Variants in RIOK1 observed in about 807,000 individuals in gnomAD.
RIOK1 encodes the protein RIO kinase 1, also known as serine/threonine-protein kinase RIO1.
A neutral mutation model predicts 73.5 loss-of-function variants in RIOK1; 66 were observed. The observed-to-expected ratio is 0.90, with a 90% CI of 0.74 to 1.10. The LOEUF is 1.10. RIOK1 is among the 50% of genes least tolerant of loss of function. RIOK1 has a pLI of 0.00. For missense variants in RIOK1, 658 were observed against 699.8 expected (o/e 0.94, Z 0.67); for synonymous variants, 224 against 226.8 (o/e 0.99, Z 0.11).
At chr6:7,402,978 G>A in intron 8 of RIOK1, 81 bp downstream of exon 8, 1 of 1,297,972 alleles carries the variant, frequency 7.7e-7, no homozygotes. Context: ...ATCCCAGTGT[G>A]GTTCTGCCCA....
chr6:7,407,572 C>T (rs1761779054), intron 12 of RIOK1, among the ~76,000 whole-genome samples: 1 of 151,840 alleles, frequency 6.6e-6, no homozygotes, highest in Non-Finnish European at 1.5e-5. Context: ...ACAGTCTCAA[C>T]CTTCTAGACT....
At position 7,410,422 on chromosome 6, in the gene RIOK1, C is replaced by T. The variant is rs150089857; in HGVS notation, c.1240C>T (p.Arg414Trp). 3.8e-5 allele frequency: 62 copies of T among 1,612,044 alleles called. No individual in the cohort carries two copies. The highest frequency in any genetic ancestry group is 2.2e-4 in the Admixed American group (13 of 59,970). Reference sequence around the variant, plus strand: ...AGCATCTCAAAGGACCAAGGAAGAACGGTCTAGCCAAGATCATGTGGATGA... The same window carrying T: ...AGCATCTCAAAGGACCAAGGAAGAATGGTCTAGCCAAGATCATGTGGATGA... ...EIASQRTKEE[R>W]SSQDHVDEEV... The change falls in exon 13 of 17, where the codon CGG becomes TGG. Residue 414 changes from arginine to tryptophan, a missense_variant. Arg to Trp is a moderately radical substitution (Grantham distance 101, BLOSUM62 -3). Coordinates refer to ENST00000379834, the MANE Select transcript of RIOK1 (RefSeq NM_031480.3).
intron 12 of RIOK1, among the ~76,000 whole-genome samples, chr6:7,406,496 C>A (rs994494893): frequency 6.6e-6 from 1 of 152,162 alleles, no homozygotes; most frequent in Non-Finnish European, 1.5e-5. Context: ...GTAACAACTT[C>A]CCATCCCCTG....
At chr6:7,416,375 G>A (rs185621238) in intron 16 of RIOK1, among the ~76,000 whole-genome samples, 28 of 152,288 alleles carry the variant, frequency 1.8e-4, no homozygotes, top group Admixed American at 1.3e-3. Context: ...TCAGCTGGGC[G>A]CGGTGGCTCA....
intron 12 of RIOK1, among the ~76,000 whole-genome samples, chr6:7,410,075 A>T (rs1489068506): frequency 6.6e-6 from 1 of 152,200 alleles, no homozygotes; most frequent in Non-Finnish European, 1.5e-5. Context: ...GTAAATGCTA[A>T]AGCATTTACT....
At chr6:7,398,091 G>A (rs928621609) in intron 4 of RIOK1, among the ~76,000 whole-genome samples, 58 of 152,288 alleles carry the variant, frequency 3.8e-4, no homozygotes, top group African/African-American at 1.4e-3. Flanking sequence ...GCAGTGAGCC[G>A]AGATCGTGCC....
chr6:7,397,489 G>A (rs1373151699), intron 4 of RIOK1, among the ~76,000 whole-genome samples: 2 of 152,172 alleles, frequency 1.3e-5, no homozygotes, highest in Non-Finnish European at 2.9e-5. Context: ...TGATATAACT[G>A]AGAACTGTTT....
At position 7,405,032 on chromosome 6, in the gene RIOK1, A is replaced by G. The variant is rs1438895154; in HGVS notation, c.1096+11A>G. The G allele has an allele frequency of 4.4e-6, 7 of 1,608,772 alleles. No homozygotes were observed. Among genetic ancestry groups the G allele is most frequent in the Non-Finnish European group, 6.0e-6 (7 of 1,175,720 alleles). On this transcript the variant is annotated intron_variant, in intron 11 of 16. Transcript: ENST00000379834. ...GCGCCAACGTCAATGGTGAGTAGAA[A>G]CGGCAATTTTCGAAACAGCTCATTG...
At chr6:7,399,783 A>G (rs768131296) in intron 5 of RIOK1, among the ~76,000 whole-genome samples, 9 of 152,194 alleles carry the variant, frequency 5.9e-5, no homozygotes, top group Middle Eastern at 3.2e-3. Context: ...TGCAGTAGAG[A>G]AGAAATGGAA....
At chr6:7,412,663 A>C (rs1306055998) in intron 14 of RIOK1, among the ~76,000 whole-genome samples, 4 of 152,020 alleles carry the variant, frequency 2.6e-5, no homozygotes, top group Non-Finnish European at 5.9e-5. Context: ...AAAAAAAAAA[A>C]AAACAACTAC....
chr6:7,416,547 C>T (rs1443027240), intron 16 of RIOK1, among the ~76,000 whole-genome samples: 3 of 150,906 alleles, frequency 2.0e-5, no homozygotes, highest in Non-Finnish European at 2.9e-5. Flanking sequence ...CCTTGGGAGG[C>T]TGAGGCAGGA....
chr6:7,393,167 T>C lies in RIOK1; in HGVS notation c.140T>C (p.Val47Ala). 1 of 1,613,508 alleles carries C rather than the reference T, an allele frequency of 6.2e-7. No individual in the cohort carries two copies. The highest frequency in any genetic ancestry group is 8.5e-7 in the Non-Finnish European group (1 of 1,179,566). Residue 47 changes from valine to alanine, a missense_variant, in exon 2 of 17, where the codon GTG becomes GCG. Transcript: ENST00000379834. ...DILFEDLQDN[V>A]NENGEGEIED... ...CTGTTTGAAGACCTTCAAGACAATGTGAATGAGAATGGTGAAGGTGAAATA... is the reference window on the plus strand; with the variant it reads ...CTGTTTGAAGACCTTCAAGACAATGCGAATGAGAATGGTGAAGGTGAAATA...
chr6:7,395,346 TCTA>T (rs1466609819), intron 3 of RIOK1, among the ~76,000 whole-genome samples: 3 of 152,072 alleles, frequency 2.0e-5, no homozygotes, highest in African/African-American at 7.2e-5. Context: ...AAACCCTATC[TCTA>T]CTAAAAATAC....
chr6:7,394,039 GA>G (rs1461691003), intron 2 of RIOK1, among the ~76,000 whole-genome samples: 1 of 152,240 alleles, frequency 6.6e-6, no homozygotes, highest in African/African-American at 2.4e-5. Context: ...GCTCATACTG[GA>G]AGTACCAAGT....
In RIOK1 at chr6:7,411,464, G is replaced by T. The variant is rs1360693319; in HGVS notation, c.1389+13G>T. On this transcript the variant is annotated intron_variant, in intron 14 of 16. Transcript: ENST00000379834. ...CCAACAAGATAATGTAAGTAGCTTG[G>T]TTTGTATATAGCAAGCAGCTCTTCA... 2 of 1,613,488 alleles carry T rather than the reference G, an allele frequency of 1.2e-6. No individual in the cohort carries two copies. The highest frequency in any genetic ancestry group is 1.3e-5 in the African/African-American group (1 of 74,906).
intron 16 of RIOK1, 61 bp from the exon 17 acceptor site, chr6:7,417,270 A>G: frequency 1.7e-6 from 2 of 1,190,588 alleles, no homozygotes; most frequent in Non-Finnish European, 2.3e-6. Context: ...AACAAAAAAC[A>G]AAAACAAAAA....
chr6:7,405,503 C>G, intron 12 of RIOK1, 148 bp downstream of exon 12: 2 of 513,814 alleles, frequency 3.9e-6, no homozygotes, highest in Non-Finnish European at 6.8e-6. Flanking sequence ...GTTGAGCATC[C>G]GAAATATCAA....
Position 7,411,383 on chromosome 6 carries a change from G to A in RIOK1, c.1321G>A (p.Glu441Lys). 6.2e-7 allele frequency: 1 copy of A among 1,613,954 alleles called. No homozygotes were observed. Among genetic ancestry groups the A allele is most frequent in the East Asian group, 2.2e-5 (1 of 44,862 alleles). Residue 441 changes from glutamate to lysine, a missense_variant, in exon 14 of 17, where the codon GAG becomes AAG. Transcript: ENST00000379834. ...PRTLNEVKNY[E>K]RDMDIIMKLK... ...AACCTTGAATGAAGTGAAAAATTATGAGAGGGATATGGACATAATTATGAA... is the reference window on the plus strand; with the variant it reads ...AACCTTGAATGAAGTGAAAAATTATAAGAGGGATATGGACATAATTATGAA...
chr6:7,393,271 G>A lies in RIOK1; in HGVS notation c.244G>A (p.Gly82Ser), dbSNP rs1027870426. 8 of 1,614,044 alleles carry A rather than the reference G, an allele frequency of 5.0e-6. No homozygotes were observed. Among genetic ancestry groups the A allele is most frequent in the Non-Finnish European group, 6.8e-6 (8 of 1,180,006 alleles). Residue 82 changes from glycine to serine, a missense_variant, in exon 2 of 17, where the codon GGT becomes AGT. Gly to Ser is a moderately conservative substitution (Grantham distance 56). Transcript: ENST00000379834. Reference sequence around the variant, plus strand: ...TGAAGGAGTTGGAAAACTCGCCAAGGGTTATGTCTGGAATGGAGGAAGCAA... The same window carrying A: ...TGAAGGAGTTGGAAAACTCGCCAAGAGTTATGTCTGGAATGGAGGAAGCAA... ...WDEGVGKLAKGYVWNGGSNPQ... is the reference protein window; with the variant it reads ...WDEGVGKLAKSYVWNGGSNPQ...
Sources: allele counts gnomAD v4.1 joint callset (sites outside exome capture counted in the v4.1 genomes callset), GRCh38; gene constraint gnomAD v4.1.1; transcripts MANE v1.5; gene names NCBI Gene and HGNC (gene_info 2026-07-23, HGNC 2026-07-21).